DLGAP2: variants seen among roughly 807,000 people sequenced by gnomAD.
The protein encoded by DLGAP2 is DLG associated protein 2.
In DLGAP2, 26 loss-of-function variants were observed where a neutral mutation model predicts 100.3. That is an observed-to-expected ratio of 0.26 (90% CI 0.19 to 0.36). The LOEUF is 0.36. DLGAP2 is among the 10% of genes least tolerant of loss of function. DLGAP2 has a pLI of 1.00. For synonymous variants in DLGAP2, 886 were observed against 630.1 expected, an observed-to-expected ratio of 1.41 and a Z score of -6.08; for missense variants, 1,858 against 1,453.2, an observed-to-expected ratio of 1.28 and a Z score of -4.53.
chr8:1,294,927 G>A (rs1800137527), intron 3 of DLGAP2, among the ~76,000 whole-genome samples: 1 of 151,162 alleles, frequency 6.6e-6, no homozygotes, highest in Non-Finnish European at 1.5e-5. Context: ...TGTAGCAGTT[G>A]ATGACTTGTA....
intron 2 of DLGAP2, among the ~76,000 whole-genome samples, chr8:954,394 G>C (rs1799550579): frequency 6.6e-6 from 1 of 152,256 alleles, no homozygotes; most frequent in South Asian, 2.1e-4. Flanking sequence ...TCTTATACAA[G>C]TGACCAAGAA....
chr8:966,570 GATGA>G (rs1263745119), intron 2 of DLGAP2, among the ~76,000 whole-genome samples: 2 of 152,068 alleles, frequency 1.3e-5, no homozygotes, highest in Non-Finnish European at 2.9e-5. Flanking sequence ...AATGACAATG[GATGA>G]ATAAGTATTT....
At position 1,565,823 on chromosome 8, in the gene DLGAP2, A is replaced by G. The variant is rs116119098; in HGVS notation, c.1371A>G (p.Ser457=). The change falls in exon 6 of 15, where the codon TCA becomes TCG. Residue 457 remains serine, a synonymous_variant. Coordinates refer to ENST00000637795, the MANE Select transcript of DLGAP2 (RefSeq NM_001346810.2). ...AGTCAGACTCCAGCCCCAAGACATC[A>G]CCAAAGTCGGCAATCCTACCAGAGC... ...SGESDSSPKT[S]PKSAILPEPL... 3,217 of 1,613,648 alleles carry G rather than the reference A, an allele frequency of 2.0e-3. 70 individuals carry two copies. In the African/African-American group the frequency reaches 0.036, roughly 18 times the overall value.
intron 6 of DLGAP2, among the ~76,000 whole-genome samples, chr8:1,579,062 T>C (rs1418305460): frequency 2.6e-5 from 4 of 152,368 alleles, no homozygotes; most frequent in African/African-American, 7.2e-5. Flanking sequence ...AATACTTGAA[T>C]AACTAATTCA....
chr8:894,040 C>T (rs1184916148), intron 1 of DLGAP2, among the ~76,000 whole-genome samples: 1 of 152,248 alleles, frequency 6.6e-6, no homozygotes, highest in Non-Finnish European at 1.5e-5. Context: ...CTCTTCCCTT[C>T]TGGCAGGCAG....
At chr8:1,078,643 A>G (rs1429253831) in intron 2 of DLGAP2, among the ~76,000 whole-genome samples, 1 of 152,130 alleles carries the variant, frequency 6.6e-6, no homozygotes, top group Admixed American at 6.5e-5. Flanking sequence ...AATGTCATAG[A>G]GTTGGAAATA....
intron 3 of DLGAP2, among the ~76,000 whole-genome samples, chr8:1,410,322 G>A (rs572542183): frequency 4.0e-4 from 61 of 152,310 alleles, no homozygotes; most frequent in East Asian, 3.9e-4. Flanking sequence ...ATGGCTTCAC[G>A]CGTGCGGCAC....
intron 2 of DLGAP2, among the ~76,000 whole-genome samples, chr8:979,173 C>A (rs1484782823): frequency 6.6e-6 from 1 of 152,208 alleles, no homozygotes; most frequent in Non-Finnish European, 1.5e-5. Flanking sequence ...CAAAAGCAAT[C>A]ACACTGACTT....
At chr8:883,566 C>A (rs992549247) in intron 1 of DLGAP2, among the ~76,000 whole-genome samples, 1 of 150,588 alleles carries the variant, frequency 6.6e-6, no homozygotes, top group Non-Finnish European at 1.5e-5. Flanking sequence ...GTTTGTTACA[C>A]AGGTACGCGT....
At position 1,201,102 on chromosome 8, in the gene DLGAP2, C is replaced by A. The variant is rs142166506; in HGVS notation, c.74-57749C>A. On this transcript the variant is annotated intron_variant, in intron 2 of 14. Coordinates refer to ENST00000637795, the MANE Select transcript of DLGAP2 (RefSeq NM_001346810.2). ...GAGACCAGCACTGGGGAGGCTGCTC[C>A]CCGTCCCCGAGGCCTGGAGCCGTGG... Among the ~76,000 whole-genome samples the A allele has an allele frequency of 4.2e-3, 635 of 152,296 alleles. 2 individuals are homozygous for A. The highest frequency in any genetic ancestry group is 6.4e-3 in the South Asian group (31 of 4,830).
At chr8:1,441,336 C>T (rs969008009) in intron 3 of DLGAP2, among the ~76,000 whole-genome samples, 2 of 152,100 alleles carry the variant, frequency 1.3e-5, no homozygotes, top group Non-Finnish European at 2.9e-5. Context: ...AATGTCTTCA[C>T]GCCCCTACTT....
chr8:987,893 T>C (rs1230266574), intron 2 of DLGAP2, among the ~76,000 whole-genome samples: 2 of 152,218 alleles, frequency 1.3e-5, no homozygotes, highest in African/African-American at 4.8e-5. Flanking sequence ...TAGGATTCTA[T>C]TACATGTTTT....
chr8:1,231,635 G>A (rs961601125), intron 2 of DLGAP2, among the ~76,000 whole-genome samples: 33 of 152,130 alleles, frequency 2.2e-4, no homozygotes, highest in Admixed American at 1.8e-3. Flanking sequence ...GTACACCGTG[G>A]GATACTGCAT....
At chr8:962,073 T>C (rs1799739138) in intron 2 of DLGAP2, among the ~76,000 whole-genome samples, 1 of 152,264 alleles carries the variant, frequency 6.6e-6, no homozygotes, top group African/African-American at 2.4e-5. Flanking sequence ...TTTCTAAGCT[T>C]AGCATTTGTA....
chr8:1,049,992 A>G (rs978559303), intron 2 of DLGAP2, among the ~76,000 whole-genome samples: 1 of 152,230 alleles, frequency 6.6e-6, no homozygotes, highest in Non-Finnish European at 1.5e-5. Context: ...ATGCACATGC[A>G]CAGGCAGGCA....
At chr8:1,444,156 G>C (rs1199678634) in intron 3 of DLGAP2, among the ~76,000 whole-genome samples, 1 of 152,118 alleles carries the variant, frequency 6.6e-6, no homozygotes, top group East Asian at 1.9e-4. Context: ...CGCGATCATA[G>C]CTCACTACAG....
chr8:1,008,197 G>C (rs1801176445), intron 2 of DLGAP2, among the ~76,000 whole-genome samples: 1 of 152,212 alleles, frequency 6.6e-6, no homozygotes, highest in South Asian at 2.1e-4. Context: ...TCAAGATCTT[G>C]ATAAAAGATA....
At chr8:1,010,463 T>C (rs1235055889) in intron 2 of DLGAP2, among the ~76,000 whole-genome samples, 1 of 152,228 alleles carries the variant, frequency 6.6e-6, no homozygotes, top group African/African-American at 2.4e-5. Context: ...CACATATGTG[T>C]GCACACATGT....
chr8:1,678,159 T>G (rs1458408130), intron 11 of DLGAP2, 55 bp from the exon 12 acceptor site: 4 of 1,546,730 alleles, frequency 2.6e-6, no homozygotes, highest in Non-Finnish European at 3.5e-6. Flanking sequence ...AGGACTTTGT[T>G]GCATGAAGTC....
Sources: gnomAD v4.1 joint callset for allele counts (sites outside exome capture counted in the v4.1 genomes callset) on GRCh38, gnomAD v4.1.1 for gene constraint, MANE v1.5 for transcripts, NCBI Gene and HGNC (gene_info 2026-07-23, HGNC 2026-07-21) for gene names.